The following PLPPR3 variants were observed in gnomAD, a reference collection of about 807,000 sequenced individuals.
The protein encoded by PLPPR3 is phospholipid phosphatase-related protein type 3.
A neutral mutation model predicts 27.3 loss-of-function variants in PLPPR3; 14 were observed. The observed-to-expected ratio is 0.51, with a 90% CI of 0.34 to 0.80. PLPPR3 has a LOEUF of 0.80. Ranked by LOEUF, PLPPR3 falls within the 30% of genes least tolerant of loss-of-function variation. The pLI is 0.01. For synonymous variants in PLPPR3, 671 were observed against 508.0 expected, an observed-to-expected ratio of 1.32 and a Z score of -4.32; for missense variants, 1,287 against 1,056.9, an observed-to-expected ratio of 1.22 and a Z score of -3.02.
chr19:813,132 T>C lies in PLPPR3; in HGVS notation c.1595A>G (p.Asn532Ser), dbSNP rs1188595999. The stretch of plus-strand genomic sequence containing the variant: ...GATGACCTGCAGCAGCCGCGGAGGG[T>C]TGGCCACTGCCGCCCCGCTCTTCTC... ...MAEKSGAAVA[N>S]PPRLLQVIAM... The change falls in exon 8 of 8, where the codon AAC (asparagine) becomes AGC (serine). Residue 532 changes from asparagine to serine, a missense_variant. By Grantham distance (46) the Asn-to-Ser change is conservative. Transcript: ENST00000520876. The surrounding 1 kb of genome is among the most constrained non-coding windows in gnomAD (Gnocchi z 4.1). 4 of 1,511,252 alleles carry C rather than the reference T, an allele frequency of 2.6e-6. No individual in the cohort carries two copies. The highest frequency in any genetic ancestry group is 1.5e-5 in the African/African-American group (1 of 68,448). 93.6% of individuals were successfully genotyped at this position (1,511,252 alleles called of 1,614,324 possible).
chr19:817,186 C>T (rs2035075869), intron 2 of PLPPR3, among the ~76,000 whole-genome samples: 2 of 152,294 alleles, frequency 1.3e-5, no homozygotes, highest in South Asian at 2.1e-4. Flanking sequence ...TCATGTTGCC[C>T]AGGCTGGTCT....
rs527549059 is a variant in PLPPR3 at position 813,285 on chromosome 19, C to A, written c.1442G>T (p.Arg481Leu). 6.6e-5 allele frequency: 97 copies of A among 1,473,408 alleles called. No individual in the cohort carries two copies. Among genetic ancestry groups the A allele is most frequent in the Non-Finnish European group, 7.8e-5 (88 of 1,123,304 alleles). The allele number at this position is 1,473,408 out of a possible 1,614,324, so 91.3% of individuals were successfully genotyped here. The change falls in exon 8 of 8, where the codon CGG (arginine) becomes CTG (leucine). Residue 481 changes from arginine (R) to leucine (L), a missense_variant. By Grantham distance (102) the Arg-to-Leu change is moderately radical. Coordinates refer to ENST00000520876, the MANE Select transcript of PLPPR3 (RefSeq NM_001270366.2). This position sits in a 1 kb window ranked among gnomAD's most constrained non-coding sequence, Gnocchi z 4.1. ...CCCCGCGCGCGGTGGGAGGATGACC[C>A]GAGGCCCCAGCCCCGGCCGCGCCTG... ...TVQARPGLGP[R>L]VILPPRAGPP...
rs759863594 is a variant in PLPPR3, at chr19:813,845, C to T, written c.882G>A (p.Ala294=). 4 of 1,468,904 alleles carry T rather than the reference C, an allele frequency of 2.7e-6. No homozygotes were observed. The highest frequency in any genetic ancestry group is 5.1e-5 in the East Asian group (2 of 38,882). The allele number at this position is 1,468,904 out of a possible 1,614,324, so 91.0% of individuals were successfully genotyped here. ...GCGCGTCCTTGGCGGGGGCCGGGGC[C>T]GCGGGCTTCTCTGCAGGTGGGGCCT... ...NFQAPPAEKP[A]APAPAKDALR... The change falls in exon 8 of 8, where the codon GCG becomes GCA. Residue 294 remains alanine, a synonymous_variant. Coordinates refer to ENST00000520876, the MANE Select transcript of PLPPR3 (RefSeq NM_001270366.2). The surrounding 1 kb of genome is among the most constrained non-coding windows in gnomAD (Gnocchi z 4.1).
In PLPPR3 at chr19:815,087, G is replaced by A; in HGVS notation, c.404-6C>T. ...CAGGCCGAACACGTGGACACCTGCA[G>A]GGCGGAAGGCTCGGCCAGGCGGGGA... On this transcript the variant is annotated splice_polypyrimidine_tract_variant and splice_region_variant and intron_variant, in intron 4 of 7. Transcript: ENST00000520876. The A allele has an allele frequency of 6.2e-7, 1 of 1,603,156 alleles. No homozygotes were observed. The highest frequency in any genetic ancestry group is 8.5e-7 in the Non-Finnish European group (1 of 1,179,684).
chr19:815,066 CCG>C lies in PLPPR3; in HGVS notation c.417_418del (p.Phe139LeufsTer180). The C allele has an allele frequency of 6.2e-7, 1 of 1,606,284 alleles. No individual in the cohort carries two copies. Among genetic ancestry groups the C allele is most frequent in the Non-Finnish European group, 8.5e-7 (1 of 1,179,862 alleles). ...CGTCACCAGGGCTGTGGCACACAGG[CCG>C]AACACGTGGACACCTGCAGGGCGGA... is the stretch of plus-strand genomic sequence containing the variant. On this transcript the variant is annotated frameshift_variant, in exon 5 of 8. Coordinates refer to ENST00000520876, the MANE Select transcript of PLPPR3 (RefSeq NM_001270366.2). LOFTEE classifies it high-confidence loss of function.
upstream of PLPPR3, among the ~76,000 whole-genome samples, chr19:822,781 G>A (rs7246974): frequency 0.05 from 7,604 of 152,262 alleles, 644 homozygotes; most frequent in African/African-American, 0.17. Flanking sequence ...GGGCACCCTG[G>A]GTCGCAATCC....
chr19:812,604 A>G lies in PLPPR3; in HGVS notation c.2123T>C (p.Phe708Ser). 3 of 1,093,542 alleles carry G rather than the reference A, an allele frequency of 2.7e-6. No individual in the cohort carries two copies. The highest frequency in any genetic ancestry group is 2.0e-5 in the South Asian group (1 of 48,970). The allele number at this position is 1,093,542 out of a possible 1,614,324, so 67.7% of individuals were successfully genotyped here. A position where few individuals can be genotyped will look rare whatever the true frequency, so the allele number is the denominator to read the frequency against. The stretch of plus-strand genomic sequence containing the variant: ...GAAGCGGCGCGCCTGCATCTTGCGG[A>G]AGTAGCCCTCGGCCTCCGCCTCCGC... ...REAEAEAEGY[F>S]RKMQARRFPD is the part of the protein sequence containing the mutation. Residue 708 changes from phenylalanine (F) to serine (S), a missense_variant, in exon 8 of 8, where the codon TTC becomes TCC. Transcript: ENST00000520876.
intron 7 of PLPPR3, among the ~76,000 whole-genome samples, 166 bp downstream of exon 7, chr19:814,268 T>C (rs1015073542): frequency 2.2e-5 from 2 of 91,176 alleles, no homozygotes; most frequent in African/African-American, 9.0e-5. Flanking sequence ...CTGGGAACCA[T>C]GCCTCACCCC....
chr19:821,338 C>T (rs933236891), intron 2 of PLPPR3, 147 bp downstream of exon 2: 8 of 570,076 alleles, frequency 1.4e-5, no homozygotes, highest in East Asian at 7.0e-5. Context: ...TCTGCCCCAC[C>T]CCCCATCCGC....
rs1459497460 is a variant in PLPPR3 at position 815,734 on chromosome 19, C to T, written c.193G>A (p.Glu65Lys). 2 of 1,611,798 alleles carry T rather than the reference C, an allele frequency of 1.2e-6. No individual in the cohort carries two copies. The highest frequency in any genetic ancestry group is 1.7e-6 in the Non-Finnish European group (2 of 1,179,528). Reference protein sequence around the residue: ...YDRTLSMPYVETNEELIPLLM... With the variant: ...YDRTLSMPYVKTNEELIPLLM... The stretch of plus-strand genomic sequence containing the variant: ...AGCGGGATGAGCTCCTCGTTGGTCT[C>T]CACGTAGGGCATGGAGAGAGTGCGG... The change falls in exon 3 of 8, where the codon GAG (glutamate) becomes AAG (lysine). Residue 65 changes from glutamate (E) to lysine (K), a missense_variant. Physicochemically the swap from Glu to Lys is moderately conservative, Grantham distance 56. Transcript: ENST00000520876.
upstream of PLPPR3, among the ~76,000 whole-genome samples, chr19:822,513 C>T (rs2035163959): frequency 6.6e-6 from 1 of 152,122 alleles, no homozygotes; most frequent in African/African-American, 2.4e-5. Context: ...CGGTGCCTCC[C>T]TCCCTTCCCC....
intron 2 of PLPPR3, among the ~76,000 whole-genome samples, chr19:820,095 A>G (rs351103): frequency 0.42 from 63,738 of 151,918 alleles, 14,154 homozygotes; most frequent in African/African-American, 0.57. Flanking sequence ...CAATCCATCT[A>G]CCTGGGCCTC....
Position 813,723 on chromosome 19 carries a change from G to C in PLPPR3, c.1004C>G (p.Ala335Gly). Residue 335 changes from alanine to glycine, a missense_variant, in exon 8 of 8, where the codon GCG becomes GGG. Coordinates refer to ENST00000520876, the MANE Select transcript of PLPPR3 (RefSeq NM_001270366.2). This position sits in a 1 kb window ranked among gnomAD's most constrained non-coding sequence, Gnocchi z 4.1. Reference protein sequence around the residue: ...ELGPPGRLEGAPRPVAREKTS... With the variant: ...ELGPPGRLEGGPRPVAREKTS... ...CTTCTCGCGGGCCACGGGCCGGGGCGCGCCCTCCAGCCGCCCTGGGGGCCC... is the reference window on the plus strand; with the variant it reads ...CTTCTCGCGGGCCACGGGCCGGGGCCCGCCCTCCAGCCGCCCTGGGGGCCC... 6.6e-7 allele frequency: 1 copy of C among 1,524,918 alleles called. No homozygotes were observed. The highest frequency in any genetic ancestry group is 2.5e-5 in the East Asian group (1 of 40,392). The allele number at this position is 1,524,918 out of a possible 1,614,324, so 94.5% of individuals were successfully genotyped here. A position where few individuals can be genotyped will look rare whatever the true frequency, so the allele number is the denominator to read the frequency against.
chr19:813,370 C>T lies in PLPPR3; in HGVS notation c.1357G>A (p.Glu453Lys), dbSNP rs904049304. 3.7e-5 allele frequency: 55 copies of T among 1,494,920 alleles called. No homozygotes were observed. The highest frequency in any genetic ancestry group is 4.5e-5 in the Non-Finnish European group (51 of 1,130,186). 92.6% of individuals were successfully genotyped at this position (1,494,920 alleles called of 1,614,324 possible). ...TCGTCCTCCTCCTCTTCCTCCTCCT[C>T]CTCTTCCTCTTCGTCCTCCTCCTCT... ...EEEEEDEEEE[E>K]EEEEEEDEGP... The change falls in exon 8 of 8, where the codon GAG becomes AAG. Residue 453 changes from glutamate (E) to lysine (K), a missense_variant. Glu to Lys is a moderately conservative substitution (Grantham distance 56). Coordinates refer to ENST00000520876, the MANE Select transcript of PLPPR3 (RefSeq NM_001270366.2). The surrounding 1 kb of genome is among the most constrained non-coding windows in gnomAD (Gnocchi z 4.1).
At position 812,863 on chromosome 19, in the gene PLPPR3, CCAGCTCGTA is replaced by C; in HGVS notation, c.1855_1863del (p.Tyr619_Leu621del). The C allele has an allele frequency of 8.5e-7, 1 of 1,175,736 alleles. No homozygotes were observed. The highest frequency in any genetic ancestry group is 5.0e-5 in the Admixed American group (1 of 20,158). 72.8% of individuals were successfully genotyped at this position (1,175,736 alleles called of 1,614,324 possible). On this transcript the variant is annotated inframe_deletion, in exon 8 of 8. Coordinates refer to ENST00000520876, the MANE Select transcript of PLPPR3 (RefSeq NM_001270366.2). ...CCGCGGAAGCCGCGCGCCAGGTCCC[CCAGCTCGTA>C]GCCGCCGTCGGCCTCCGCCTTGGCC...
Position 815,009 on chromosome 19 carries a change from G to A in PLPPR3, c.476C>T (p.Thr159Ile), listed in dbSNP as rs2035027113. ...CTTGCAGACGGTGAGGAAGAAGGGA[G>A]TGTGGTAACCCGTGGCCAGCTGGAT... ...DVIQLATGYH[T>I]PFFLTVCKPN... The change falls in exon 5 of 8, where the codon ACT becomes ATT. Residue 159 changes from threonine (T) to isoleucine (I), a missense_variant. Coordinates refer to ENST00000520876, the MANE Select transcript of PLPPR3 (RefSeq NM_001270366.2). 6.2e-7 allele frequency: 1 copy of A among 1,611,644 alleles called. No individual in the cohort carries two copies. The highest frequency in any genetic ancestry group is 1.3e-5 in the African/African-American group (1 of 74,938).
intron 7 of PLPPR3, 25 bp downstream of exon 7, chr19:814,409 A>G (rs755775147): frequency 2.5e-6 from 4 of 1,572,580 alleles, no homozygotes; most frequent in African/African-American, 2.7e-5. Flanking sequence ...ACCCATGCCG[A>G]CCCCCATCAG....
At position 813,691 on chromosome 19, in the gene PLPPR3, G is replaced by A; in HGVS notation, c.1036C>T (p.Leu346=). Reference sequence around the variant, plus strand: ...ACGCTGGCGCGCTTCAGGCTGCCCAGCGAGGTCTTCTCGCGGGCCACGGGC... The same window carrying A: ...ACGCTGGCGCGCTTCAGGCTGCCCAACGAGGTCTTCTCGCGGGCCACGGGC... ...PRPVAREKTS[L]GSLKRASVDV... Residue 346 remains leucine (L), a synonymous_variant, in exon 8 of 8, where the codon CTG becomes TTG. Transcript: ENST00000520876. The surrounding 1 kb of genome is among the most constrained non-coding windows in gnomAD (Gnocchi z 4.1). 2 of 1,530,948 alleles carry A rather than the reference G, an allele frequency of 1.3e-6. No individual in the cohort carries two copies. Among genetic ancestry groups the A allele is most frequent in the Middle Eastern group, 3.4e-4 (2 of 5,870 alleles). The allele number at this position is 1,530,948 out of a possible 1,614,324, so 94.8% of individuals were successfully genotyped here.
intron 1 of PLPPR3, 82 bp downstream of exon 1, chr19:821,833 G>T: frequency 3.1e-6 from 1 of 321,788 alleles, no homozygotes; most frequent in East Asian, 5.0e-5. Flanking sequence ...TCCCCGCGTG[G>T]TGGTGGGGGG....
Sources: gnomAD v4.1 joint callset for allele counts (sites outside exome capture counted in the v4.1 genomes callset) on GRCh38, gnomAD v4.1.1 for gene constraint, Gnocchi (gnomAD v3.1) non-coding constraint, MANE v1.5 for transcripts, NCBI Gene and HGNC (gene_info 2026-07-23, HGNC 2026-07-21) for gene names.